ADGRV1: variants seen among roughly 807,000 people sequenced by gnomAD.
ADGRV1 encodes the protein G-protein coupled receptor 98.
In ADGRV1, 359 loss-of-function variants were observed where a neutral mutation model predicts 596.2. The observed-to-expected ratio is 0.60, with a 90% CI of 0.55 to 0.66. The LOEUF (loss-of-function observed/expected upper bound fraction) is 0.66. Among genes scored for constraint, ADGRV1 ranks in the 30% least tolerant of loss-of-function variants. The pLI, the probability that ADGRV1 is intolerant of heterozygous loss-of-function variation, is 0.00. For synonymous variants in ADGRV1, 2,681 were observed against 2,679.2 expected, an observed-to-expected ratio of 1.00 and a Z score of -0.02; for missense variants, 7,274 against 7,575.6, an observed-to-expected ratio of 0.96 and a Z score of 1.48.
chr5:91,008,498 T>C (rs529696054), intron 85 of ADGRV1, among the ~76,000 whole-genome samples: 10 of 152,046 alleles, frequency 6.6e-5, no homozygotes, highest in Admixed American at 1.3e-4. Context: ...GTCTATATAA[T>C]TTTATTTATT....
At chr5:90,819,740 T>A (rs1763282136) in intron 75 of ADGRV1, among the ~76,000 whole-genome samples, 1 of 152,034 alleles carries the variant, frequency 6.6e-6, no homozygotes, top group East Asian at 1.9e-4. Context: ...GTGAGATTCT[T>A]AATCCTGAGT....
chr5:90,725,887 C>T (rs544821365), intron 48 of ADGRV1, among the ~76,000 whole-genome samples: 4 of 152,170 alleles, frequency 2.6e-5, no homozygotes, highest in African/African-American at 9.6e-5. Context: ...TAAAAATGAA[C>T]ATTTAATTAG....
At chr5:90,602,760 C>T (rs904533908) in intron 1 of ADGRV1, among the ~76,000 whole-genome samples, 2 of 152,166 alleles carry the variant, frequency 1.3e-5, no homozygotes, top group African/African-American at 4.8e-5. Flanking sequence ...AAAGTGTTGA[C>T]TTTAATTAGT....
intron 84 of ADGRV1, 37 bp from the exon 85 acceptor site, chr5:90,985,307 G>A: frequency 6.7e-7 from 1 of 1,500,800 alleles, no homozygotes; most frequent in Non-Finnish European, 9.0e-7. Flanking sequence ...TGCCATTAAA[G>A]AAGAGCCTGT....
At chr5:90,630,262 G>A (rs1385157203) in intron 9 of ADGRV1, 3 of 152,120 alleles carry the variant, frequency 2.0e-5, no homozygotes, top group Admixed American at 1.3e-4. Context: ...GCCTCCTAAA[G>A]TGCTGTGATT....
intron 1 of ADGRV1, among the ~76,000 whole-genome samples, chr5:90,596,476 C>T (rs899841107): frequency 1.3e-5 from 2 of 152,020 alleles, no homozygotes; most frequent in Non-Finnish European, 2.9e-5. Flanking sequence ...CGAGATCACG[C>T]CACTGCACTC....
At chr5:91,157,685 T>G (rs1796585681) in intron 89 of ADGRV1, among the ~76,000 whole-genome samples, 1 of 152,244 alleles carries the variant, frequency 6.6e-6, no homozygotes, top group Admixed American at 6.5e-5. Flanking sequence ...CCATTACAAT[T>G]ATTCCTAGTG....
At position 91,056,832 on chromosome 5, in the gene ADGRV1, A is replaced by G. The variant is rs577412919; in HGVS notation, c.18153-15615A>G. Among the ~76,000 whole-genome samples the G allele has an allele frequency of 2.6e-5, 4 of 152,326 alleles. No homozygotes were observed. In the East Asian group the frequency reaches 5.8e-4, roughly 22 times the overall value. ...ATTATTGATGTTGCAAGTTGTCTCC[A>G]CTGCTTTATGAGATATTTTGAACTA... On this transcript the variant is annotated intron_variant, in intron 85 of 89. Transcript: ENST00000405460.
chr5:90,942,916 A>G (rs1214594947), intron 83 of ADGRV1, among the ~76,000 whole-genome samples: 2 of 152,156 alleles, frequency 1.3e-5, no homozygotes, highest in East Asian at 1.9e-4. Context: ...GTGGTTACCT[A>G]TTGGTGATTT....
intron 33 of ADGRV1, among the ~76,000 whole-genome samples, chr5:90,696,149 C>A (rs1747165026): frequency 6.6e-6 from 1 of 152,040 alleles, no homozygotes; most frequent in Non-Finnish European, 1.5e-5. Flanking sequence ...CTTTTCTTTT[C>A]CCACTCCTTC....
At position 90,999,813 on chromosome 5, in the gene ADGRV1, G is replaced by A. The variant is rs527461138; in HGVS notation, c.18152+14291G>A. Among the ~76,000 whole-genome samples the A allele has an allele frequency of 7.2e-5, 11 of 152,156 alleles. No homozygotes were observed. In the South Asian group the frequency reaches 2.1e-3, roughly 29 times the overall value. ...TTATAGAGGAAGTTCTGTTGTAGATGTCTCTAATGAAAAAGGGAATACCTG... is the reference window on the plus strand; with the variant it reads ...TTATAGAGGAAGTTCTGTTGTAGATATCTCTAATGAAAAAGGGAATACCTG... On this transcript the variant is annotated intron_variant, in intron 85 of 89. Transcript: ENST00000405460.
intron 1 of ADGRV1, among the ~76,000 whole-genome samples, chr5:90,597,286 G>A (rs549066484): frequency 6.6e-6 from 1 of 152,304 alleles, no homozygotes; most frequent in African/African-American, 2.4e-5. Context: ...AATATCAATG[G>A]GGAAAGTTGT....
intron 83 of ADGRV1, among the ~76,000 whole-genome samples, chr5:90,936,760 A>G (rs1440694560): frequency 6.6e-6 from 1 of 152,154 alleles, no homozygotes; most frequent in Non-Finnish European, 1.5e-5. Flanking sequence ...TAAACAGTTA[A>G]TAATTTCTAT....
At chr5:91,133,434 C>G (rs1243442486) in intron 87 of ADGRV1, among the ~76,000 whole-genome samples, 1 of 152,226 alleles carries the variant, frequency 6.6e-6, no homozygotes, top group Admixed American at 6.5e-5. Flanking sequence ...CCACCCTGGA[C>G]TTTGCCACTG....
At position 90,642,976 on chromosome 5, in the gene ADGRV1, G is replaced by C. The variant is rs1767189498; in HGVS notation, c.2488G>C (p.Glu830Gln). 1 of 1,613,544 alleles carries C rather than the reference G, an allele frequency of 6.2e-7. No homozygotes were observed. Among genetic ancestry groups the C allele is most frequent in the Non-Finnish European group, 8.5e-7 (1 of 1,179,660 alleles). The change falls in exon 13 of 90, where the codon GAA becomes CAA. Residue 830 changes from glutamate (E) to glutamine (Q), a missense_variant. Glu to Gln is a conservative substitution (Grantham distance 29, BLOSUM62 2). Transcript: ENST00000405460. ...NEFYGNTGVLEFKPGEREIVI... is the reference protein window; with the variant it reads ...NEFYGNTGVLQFKPGEREIVI... Reference sequence around the variant, plus strand: ...ATTCTATGGAAACACGGGAGTACTAGAATTTAAACCTGGAGAAAGGGAGAT... The same window carrying C: ...ATTCTATGGAAACACGGGAGTACTACAATTTAAACCTGGAGAAAGGGAGAT...
At chr5:90,761,056 G>A (rs972014857) in intron 58 of ADGRV1, among the ~76,000 whole-genome samples, 4 of 152,098 alleles carry the variant, frequency 2.6e-5, no homozygotes, top group African/African-American at 9.7e-5. Flanking sequence ...TCACTTATAG[G>A]TTGTCAGTAA....
chr5:90,636,984 T>G (rs371081954), intron 10 of ADGRV1, among the ~76,000 whole-genome samples: 1 of 152,198 alleles, frequency 6.6e-6, no homozygotes, highest in East Asian at 1.9e-4. Context: ...TGCCCTTGAA[T>G]GAAACCTCCA....
chr5:90,647,714 G>A lies in ADGRV1; in HGVS notation c.3239G>A (p.Gly1080Asp), dbSNP rs895703953. 1.2e-6 allele frequency: 2 copies of A among 1,613,794 alleles called. No individual in the cohort carries two copies. Among genetic ancestry groups the A allele is most frequent in the Non-Finnish European group, 1.7e-6 (2 of 1,179,718 alleles). The change falls in exon 17 of 90, where the codon GGT becomes GAT. Residue 1080 changes from glycine (G) to aspartate (D), a missense_variant. Physicochemically the swap from Gly to Asp is moderately conservative, Grantham distance 94. Coordinates refer to ENST00000405460, the MANE Select transcript of ADGRV1 (RefSeq NM_032119.4). ...ATATCCATATTTGTTAATGAAGATG[G>A]TATCCCGGAAACAGATGAGCCCTTT... is the stretch of plus-strand genomic sequence containing the variant. ...QSISIFVNED[G>D]IPETDEPFYI...
At chr5:91,154,086 A>G (rs1582240054) in intron 89 of ADGRV1, among the ~76,000 whole-genome samples, 1 of 152,240 alleles carries the variant, frequency 6.6e-6, no homozygotes, top group South Asian at 2.1e-4. Flanking sequence ...ATATAAACAT[A>G]GTGGATATTT....
Sources: gnomAD v4.1 joint callset for allele counts (sites outside exome capture counted in the v4.1 genomes callset) on GRCh38, gnomAD v4.1.1 for gene constraint, MANE v1.5 for transcripts, NCBI Gene and HGNC (gene_info 2026-07-23, HGNC 2026-07-21) for gene names.